The following GRB14 variants were observed in gnomAD, a reference collection of about 807,000 sequenced individuals.
GRB14 encodes growth factor receptor bound protein 14, also known as growth factor receptor-bound protein 14.
In GRB14, 38 loss-of-function variants were observed where a neutral mutation model predicts 69.1. The observed-to-expected ratio is 0.55, with a 90% CI of 0.42 to 0.72. GRB14 has a LOEUF of 0.72. Ranked by LOEUF, GRB14 falls within the 30% of genes least tolerant of loss-of-function variation. The pLI is 0.00. For missense variants in GRB14, 666 were observed against 666.1 expected, an observed-to-expected ratio of 1.00 and a Z score of 0.00; for synonymous variants, 247 against 241.3, an observed-to-expected ratio of 1.02 and a Z score of -0.22.
At chr2:164,546,878 G>A (rs994671458) in intron 3 of GRB14, among the ~76,000 whole-genome samples, 1 of 152,114 alleles carries the variant, frequency 6.6e-6, no homozygotes, top group Non-Finnish European at 1.5e-5. Flanking sequence ...CACACGATAG[G>A]AGGTTCATCC....
At chr2:164,533,792 G>A (rs1331994509) in intron 3 of GRB14, among the ~76,000 whole-genome samples, 2 of 152,110 alleles carry the variant, frequency 1.3e-5, no homozygotes, top group Non-Finnish European at 2.9e-5. Flanking sequence ...CAGCTACTCA[G>A]GAGTCTGAAT....
At chr2:164,590,821 T>G (rs1258004116) in intron 2 of GRB14, among the ~76,000 whole-genome samples, 1 of 152,204 alleles carries the variant, frequency 6.6e-6, no homozygotes, top group Non-Finnish European at 1.5e-5. Context: ...CTCCATTATT[T>G]TCATATTAAA....
intron 3 of GRB14, among the ~76,000 whole-genome samples, chr2:164,536,387 A>C (rs1688080597): frequency 6.6e-6 from 1 of 152,154 alleles, no homozygotes; most frequent in Admixed American, 6.5e-5. Context: ...AAGGCTTTAA[A>C]AATCTCTTTA....
chr2:164,493,251 C>T, intron 13 of GRB14, 69 bp from the exon 14 acceptor site: 1 of 1,424,200 alleles, frequency 7.0e-7, no homozygotes, highest in South Asian at 1.3e-5. Context: ...TATTCGATTG[C>T]AAACTATCTC....
intron 2 of GRB14, among the ~76,000 whole-genome samples, chr2:164,582,460 T>C (rs376564645): frequency 3.3e-5 from 5 of 151,362 alleles, no homozygotes; most frequent in Admixed American, 1.3e-4. Flanking sequence ...CTCGCTCTGT[T>C]GCCCAGGCTG....
chr2:164,598,020 C>T (rs562750983), intron 2 of GRB14, among the ~76,000 whole-genome samples: 1 of 152,014 alleles, frequency 6.6e-6, no homozygotes, highest in East Asian at 1.9e-4. Flanking sequence ...TGTTTCTTCA[C>T]CAAGCAGAGG....
intron 2 of GRB14, chr2:164,573,773 C>T (rs974348699): frequency 7.4e-6 from 12 of 1,611,510 alleles, no homozygotes; most frequent in Admixed American, 1.7e-5. Context: ...GACTTTCTGT[C>T]GCATCCACCA....
intron 2 of GRB14, among the ~76,000 whole-genome samples, chr2:164,608,752 T>C (rs1690099575): frequency 6.6e-6 from 1 of 152,132 alleles, no homozygotes; most frequent in Non-Finnish European, 1.5e-5. Context: ...AAGTATAAAA[T>C]TAGAAATAGT....
chr2:164,617,039 A>T (rs923264044), intron 2 of GRB14, among the ~76,000 whole-genome samples: 17 of 152,214 alleles, frequency 1.1e-4, no homozygotes, highest in Admixed American at 1.0e-3. Context: ...TCCTCATTTC[A>T]AAGAACTGAG....
At chr2:164,561,773 C>T (rs1004076923) in intron 2 of GRB14, among the ~76,000 whole-genome samples, 1 of 152,124 alleles carries the variant, frequency 6.6e-6, no homozygotes, top group African/African-American at 2.4e-5. Flanking sequence ...TTTTAGGGTT[C>T]TTATGAGGGT....
intron 2 of GRB14, among the ~76,000 whole-genome samples, chr2:164,578,363 A>G (rs73028068): frequency 0.029 from 4,447 of 152,320 alleles, 202 homozygotes; most frequent in African/African-American, 0.1. Context: ...CTCCACAAAT[A>G]AAATTCAAAT....
At position 164,621,394 on chromosome 2, in the gene GRB14, C is replaced by T. The variant is rs1690460193; in HGVS notation, c.-85G>A. 1 of 1,108,276 alleles carries T rather than the reference C, an allele frequency of 9.0e-7. No individual in the cohort carries two copies. Among genetic ancestry groups the T allele is most frequent in the South Asian group, 4.6e-5 (1 of 21,820 alleles). 68.7% of individuals were successfully genotyped at this position (1,108,276 alleles called of 1,614,324 possible). A position where few individuals can be genotyped will look rare whatever the true frequency, so the allele number is the denominator to read the frequency against. On this transcript the variant is annotated 5_prime_UTR_variant, in exon 1 of 14. Coordinates refer to ENST00000263915, the MANE Select transcript of GRB14 (RefSeq NM_004490.3). The surrounding 1 kb of genome is among the most constrained non-coding windows in gnomAD (Gnocchi z 6.0). ...TGCGCGGCGGGAGGCGAGGTGCCGG[C>T]TAGGCAGCCCGAGCGCTCTGCAGGT...
chr2:164,547,841 G>T (rs1688423933), intron 2 of GRB14, 25 bp from the exon 3 acceptor site: 3 of 1,539,616 alleles, frequency 1.9e-6, no homozygotes, highest in East Asian at 2.3e-5. Flanking sequence ...ACAAGAAAAA[G>T]ACCTAAAATA....
At chr2:164,560,618 G>A (rs939049660) in intron 2 of GRB14, among the ~76,000 whole-genome samples, 5 of 151,948 alleles carry the variant, frequency 3.3e-5, no homozygotes, top group Non-Finnish European at 5.9e-5. Context: ...ATACATATGT[G>A]TCACCTCACC....
intron 2 of GRB14, among the ~76,000 whole-genome samples, chr2:164,604,269 A>G (rs773384676): frequency 5.3e-5 from 8 of 152,228 alleles, no homozygotes; most frequent in Non-Finnish European, 1.0e-4. Flanking sequence ...ACAAGAATGT[A>G]TATTATAGTG....
intron 2 of GRB14, among the ~76,000 whole-genome samples, chr2:164,578,238 A>C (rs1489175093): frequency 6.6e-6 from 1 of 152,184 alleles, no homozygotes; most frequent in African/African-American, 2.4e-5. Context: ...GTCTAAAAAA[A>C]AAAGAAAAAA....
chr2:164,596,147 T>C (rs1689778214), intron 2 of GRB14, among the ~76,000 whole-genome samples: 1 of 151,954 alleles, frequency 6.6e-6, no homozygotes, highest in African/African-American at 2.4e-5. Flanking sequence ...AAACACAGAC[T>C]GAATTCTATA....
At chr2:164,499,818 T>C (rs1292074515) in intron 9 of GRB14, among the ~76,000 whole-genome samples, 1 of 152,154 alleles carries the variant, frequency 6.6e-6, no homozygotes, top group Non-Finnish European at 1.5e-5. Context: ...AAACTTACAG[T>C]GCCATCATTA....
intron 1 of GRB14, 82 bp from the exon 2 acceptor site, chr2:164,619,901 A>C: frequency 8.6e-7 from 1 of 1,165,258 alleles, no homozygotes; most frequent in Non-Finnish European, 1.3e-6. Context: ...AAGTGTGCTA[A>C]GGCGAACATG....
Sources: gnomAD v4.1 joint callset for allele counts (sites outside exome capture counted in the v4.1 genomes callset) on GRCh38, gnomAD v4.1.1 for gene constraint, Gnocchi (gnomAD v3.1) non-coding constraint, MANE v1.5 for transcripts, NCBI Gene and HGNC (gene_info 2026-07-23, HGNC 2026-07-21) for gene names.